The following ESRRG variants were observed in gnomAD, a reference collection of about 807,000 sequenced individuals.
The protein encoded by ESRRG is estrogen-related receptor gamma.
A neutral mutation model predicts 44.0 loss-of-function variants in ESRRG; 13 were observed. The observed-to-expected ratio is 0.30, with a 90% CI of 0.19 to 0.47. The LOEUF is 0.47. Ranked by LOEUF, ESRRG falls within the 20% of genes least tolerant of loss-of-function variation. The pLI, the probability that ESRRG is intolerant of heterozygous loss-of-function variation, is 1.00. For synonymous variants in ESRRG, 215 were observed against 214.6 expected, an observed-to-expected ratio of 1.00 and a Z score of -0.02; for missense variants, 395 against 580.6, an observed-to-expected ratio of 0.68 and a Z score of 3.29.
chr1:216,521,947 C>T (rs369092893), intron 5 of ESRRG, among the ~76,000 whole-genome samples: 19 of 152,178 alleles, frequency 1.2e-4, no homozygotes, highest in South Asian at 1.0e-3. Flanking sequence ...GGAGAAGGCA[C>T]GCTAGCGACA....
At chr1:216,732,530 C>A (rs1187567466) in intron 2 of ESRRG, among the ~76,000 whole-genome samples, 2 of 152,004 alleles carry the variant, frequency 1.3e-5, no homozygotes, top group Non-Finnish European at 2.9e-5. Flanking sequence ...GTGCCCACCA[C>A]CACACCCGGC....
intron 2 of ESRRG, among the ~76,000 whole-genome samples, chr1:216,896,915 T>G (rs2149450131): frequency 6.6e-6 from 1 of 152,334 alleles, no homozygotes; most frequent in Non-Finnish European, 1.5e-5. Context: ...TTACTTAAGA[T>G]GCTGTGCAGT....
chr1:216,650,732 C>G (rs548027131), intron 3 of ESRRG, among the ~76,000 whole-genome samples: 25 of 152,124 alleles, frequency 1.6e-4, no homozygotes, highest in East Asian at 7.7e-4. Context: ...GCACTACGGT[C>G]AAGCATACCT....
chr1:216,775,551 CTTTTTTTTTTTTTTTTTTTTTTTTTT>C (rs71163765), intron 2 of ESRRG, among the ~76,000 whole-genome samples: 3 of 74,788 alleles, frequency 4.0e-5, no homozygotes, highest in Non-Finnish European at 8.5e-5. Context: ...AATGTCACAT[CTTTTTTTTTTTTTTTTTTTTTTTTTT>C]TTTTTTTTTT....
chr1:216,672,781 C>A (rs2075426695), intron 2 of ESRRG, among the ~76,000 whole-genome samples: 1 of 152,100 alleles, frequency 6.6e-6, no homozygotes, highest in Non-Finnish European at 1.5e-5. Context: ...GGGAAGGGAT[C>A]ACTTGAGCCC....
chr1:216,931,390 A>G (rs934792860), intron 2 of ESRRG, among the ~76,000 whole-genome samples: 4 of 152,186 alleles, frequency 2.6e-5, no homozygotes, highest in African/African-American at 7.2e-5. Flanking sequence ...CTCCCTTCCT[A>G]TGAAAAATGT....
intron 2 of ESRRG, among the ~76,000 whole-genome samples, chr1:216,787,603 A>C (rs2094174908): frequency 8.1e-6 from 1 of 122,916 alleles, no homozygotes. Flanking sequence ...CTCCATCAAA[A>C]AAAAAAAAAA....
intron 1 of ESRRG, among the ~76,000 whole-genome samples, chr1:216,693,025 G>A (rs1162193337): frequency 2.6e-5 from 4 of 152,144 alleles, no homozygotes; most frequent in South Asian, 4.1e-4. Flanking sequence ...AATGCTTAAC[G>A]CTTTGTAAGT....
chr1:217,030,775 G>T (rs1560531588), intron 1 of ESRRG, among the ~76,000 whole-genome samples: 1 of 152,232 alleles, frequency 6.6e-6, no homozygotes, highest in Non-Finnish European at 1.5e-5. Flanking sequence ...CACATGAAAT[G>T]TGGCCAGTCT....
intron 2 of ESRRG, among the ~76,000 whole-genome samples, chr1:216,660,495 T>A (rs2072016646): frequency 6.6e-6 from 1 of 152,210 alleles, no homozygotes; most frequent in South Asian, 2.1e-4. Context: ...ACCCAGGCAA[T>A]CTGGATCCAA....
At chr1:216,644,046 A>G (rs2066993168) in intron 3 of ESRRG, among the ~76,000 whole-genome samples, 1 of 152,088 alleles carries the variant, frequency 6.6e-6, no homozygotes, top group Non-Finnish European at 1.5e-5. Flanking sequence ...TTGGCTTTTA[A>G]TCCCATTTCC....
At chr1:216,758,313 C>A (rs1045195568) in intron 2 of ESRRG, among the ~76,000 whole-genome samples, 1 of 151,990 alleles carries the variant, frequency 6.6e-6, no homozygotes, top group Non-Finnish European at 1.5e-5. Context: ...ATGTCATTAG[C>A]GATTGTTTCA....
intron 3 of ESRRG, among the ~76,000 whole-genome samples, chr1:216,647,258 C>T (rs937817136): frequency 4.6e-5 from 7 of 152,062 alleles, no homozygotes; most frequent in Non-Finnish European, 8.8e-5. Flanking sequence ...CTCTGACATA[C>T]AGTATGGTAT....
chr1:216,541,398 C>A (rs1395291751), intron 5 of ESRRG, among the ~76,000 whole-genome samples: 1 of 151,948 alleles, frequency 6.6e-6, no homozygotes, highest in African/African-American at 2.4e-5. Context: ...TCAATAGGAT[C>A]ACAGAAGGAT....
chr1:217,073,779 AAGAG>A (rs2090906258), intron 1 of ESRRG, among the ~76,000 whole-genome samples: 1 of 152,088 alleles, frequency 6.6e-6, no homozygotes, highest in African/African-American at 2.4e-5. Flanking sequence ...GGAAGAGAGA[AAGAG>A]AAGTAAAGAA....
At chr1:216,514,406 C>A (rs577580116) in intron 6 of ESRRG, among the ~76,000 whole-genome samples, 2 of 152,018 alleles carry the variant, frequency 1.3e-5, no homozygotes, top group African/African-American at 4.8e-5. Context: ...GCTCTACCTG[C>A]CACACAAAGC....
intron 2 of ESRRG, among the ~76,000 whole-genome samples, chr1:216,848,092 C>T (rs1425214516): frequency 6.6e-6 from 1 of 152,030 alleles, no homozygotes; most frequent in Non-Finnish European, 1.5e-5. Flanking sequence ...TAGTGACAAC[C>T]AAAAATGACT....
chr1:216,661,651 C>T (rs920844223), intron 2 of ESRRG, among the ~76,000 whole-genome samples: 7 of 152,118 alleles, frequency 4.6e-5, no homozygotes, highest in African/African-American at 1.7e-4. Flanking sequence ...CTTGAGATTT[C>T]CCTTCTACCT....
At chr1:217,004,246 G>GTC (rs1212322380) in intron 1 of ESRRG, among the ~76,000 whole-genome samples, 9 of 152,158 alleles carry the variant, frequency 5.9e-5, no homozygotes, top group Non-Finnish European at 1.3e-4. Context: ...GACTGATATG[G>GTC]TTTGGCTGTG....
Sources: gnomAD v4.1 joint callset for allele counts (sites outside exome capture counted in the v4.1 genomes callset) on GRCh38, gnomAD v4.1.1 for gene constraint, MANE v1.5 for transcripts, NCBI Gene and HGNC (gene_info 2026-07-23, HGNC 2026-07-21) for gene names.